The following ENPP6 variants were observed in gnomAD, a reference collection of about 807,000 sequenced individuals.
ENPP6 encodes ectonucleotide pyrophosphatase/phosphodiesterase 6, also known as glycerophosphocholine cholinephosphodiesterase ENPP6.
A neutral mutation model predicts 42.0 loss-of-function variants in ENPP6; 32 were observed. The ratio of observed to expected loss-of-function variants is 0.76; its 90% CI spans 0.58 to 1.02. The LOEUF is 1.02. ENPP6 is among the 50% of genes least tolerant of loss of function. The pLI is 0.00. For missense variants in ENPP6, 552 were observed against 566.8 expected (o/e 0.97, Z 0.27); for synonymous variants, 213 against 216.0 (o/e 0.99, Z 0.12).
chr4:184,180,619 C>G (rs1732536271), intron 1 of ENPP6, among the ~76,000 whole-genome samples: 1 of 152,202 alleles, frequency 6.6e-6, no homozygotes, highest in Non-Finnish European at 1.5e-5. Context: ...CAATAAAATA[C>G]TGGCAAACTG....
At chr4:184,199,986 A>G (rs574025453) in intron 1 of ENPP6, among the ~76,000 whole-genome samples, 2 of 152,320 alleles carry the variant, frequency 1.3e-5, no homozygotes, top group South Asian at 4.1e-4. Context: ...AAATATCAGT[A>G]AGCCCACTGT....
intron 3 of ENPP6, among the ~76,000 whole-genome samples, chr4:184,122,044 G>A (rs1461607455): frequency 6.6e-6 from 1 of 152,146 alleles, no homozygotes; most frequent in African/African-American, 2.4e-5. Context: ...GAGCTTCCTA[G>A]CTTTAGAGGT....
intron 7 of ENPP6, among the ~76,000 whole-genome samples, chr4:184,092,617 T>C (rs1484947475): frequency 6.6e-6 from 1 of 152,032 alleles, no homozygotes; most frequent in East Asian, 1.9e-4. Flanking sequence ...ATTTAAAGAG[T>C]GAATGTAAGA....
At chr4:184,212,373 T>A (rs1285078522) in intron 1 of ENPP6, among the ~76,000 whole-genome samples, 2 of 149,788 alleles carry the variant, frequency 1.3e-5, no homozygotes, top group African/African-American at 5.0e-5. Flanking sequence ...CTTAAGCTGA[T>A]AAGCAACTTC....
chr4:184,120,016 G>A (rs1176759357), intron 3 of ENPP6, among the ~76,000 whole-genome samples: 1 of 152,156 alleles, frequency 6.6e-6, no homozygotes, highest in Non-Finnish European at 1.5e-5. Context: ...ACTACTCAAA[G>A]GGTAACATGG....
At chr4:184,145,413 C>T (rs1736901134) in intron 2 of ENPP6, among the ~76,000 whole-genome samples, 1 of 152,164 alleles carries the variant, frequency 6.6e-6, no homozygotes, top group South Asian at 2.1e-4. Flanking sequence ...GTTTTCCATT[C>T]CTGAGGCAGC....
chr4:184,098,902 C>T (rs555444245), intron 6 of ENPP6, among the ~76,000 whole-genome samples: 125 of 152,198 alleles, frequency 8.2e-4, no homozygotes, highest in African/African-American at 2.9e-3. Flanking sequence ...ATTTGCTGGT[C>T]GTGATGAATG....
chr4:184,127,325 TAAA>T (rs1736520563), intron 2 of ENPP6, among the ~76,000 whole-genome samples: 1 of 151,544 alleles, frequency 6.6e-6, no homozygotes, highest in Non-Finnish European at 1.5e-5. Context: ...CTAAGATTAA[TAAA>T]GAAGATATGG....
intron 1 of ENPP6, among the ~76,000 whole-genome samples, chr4:184,173,955 T>A (rs1737519230): frequency 1.3e-5 from 2 of 152,130 alleles, no homozygotes; most frequent in African/African-American, 4.8e-5. Context: ...GGGTCACATC[T>A]GGGAACACTG....
chr4:184,122,527 C>G (rs1295955303), intron 3 of ENPP6, among the ~76,000 whole-genome samples: 4 of 151,976 alleles, frequency 2.6e-5, no homozygotes, highest in Non-Finnish European at 5.9e-5. Context: ...ACTTATTCCC[C>G]GCTGCATGCT....
At chr4:184,096,693 A>G (rs941925949) in intron 7 of ENPP6, among the ~76,000 whole-genome samples, 3 of 152,158 alleles carry the variant, frequency 2.0e-5, no homozygotes, top group African/African-American at 7.2e-5. Context: ...ATTTGCTCTC[A>G]TGCAAGGCAA....
intron 7 of ENPP6, among the ~76,000 whole-genome samples, chr4:184,092,513 G>A (rs1735826059): frequency 1.3e-5 from 2 of 152,178 alleles, no homozygotes; most frequent in South Asian, 4.1e-4. Flanking sequence ...GGGACGCCGA[G>A]GGTGACTCCA....
At chr4:184,122,359 T>G (rs576306481) in intron 3 of ENPP6, among the ~76,000 whole-genome samples, 2 of 152,022 alleles carry the variant, frequency 1.3e-5, no homozygotes, top group African/African-American at 4.8e-5. Context: ...TTTGTAGCCC[T>G]TTCTTCCTGG....
chr4:184,101,907 G>A (rs768305435), intron 6 of ENPP6, among the ~76,000 whole-genome samples: 14 of 152,186 alleles, frequency 9.2e-5, no homozygotes, highest in Admixed American at 6.5e-4. Context: ...ACCAGGACGC[G>A]CGGTGAGAAG....
chr4:184,107,292 C>T (rs538584862), intron 6 of ENPP6, among the ~76,000 whole-genome samples: 116 of 152,344 alleles, frequency 7.6e-4, no homozygotes, highest in African/African-American at 2.3e-3. Flanking sequence ...GCTGGGGTGA[C>T]GGGCTCAGGC....
rs112070697 is a variant in ENPP6, at chr4:184,184,571, C to A, written c.242-30838G>T. Reference sequence around the variant, plus strand: ...GTCTACCCAGAACCTGCGGAAGTGACCTCATTTGGAAGAAGGGTCTTAGCA... The same window carrying A: ...GTCTACCCAGAACCTGCGGAAGTGAACTCATTTGGAAGAAGGGTCTTAGCA... On this transcript the variant is annotated intron_variant, in intron 1 of 7. Coordinates refer to ENST00000296741, the MANE Select transcript of ENPP6 (RefSeq NM_153343.4). The surrounding 1 kb of genome is among the most constrained non-coding windows in gnomAD (Gnocchi z 4.7). Among the ~76,000 whole-genome samples, 1,097 of 152,212 alleles carry A rather than the reference C, an allele frequency of 7.2e-3. 15 individuals carry two copies. Among genetic ancestry groups the A allele is most frequent in the African/African-American group, 0.025 (1,051 of 41,516 alleles).
chr4:184,158,280 T>C (rs1419442806), intron 1 of ENPP6, among the ~76,000 whole-genome samples: 1 of 152,212 alleles, frequency 6.6e-6, no homozygotes, highest in Non-Finnish European at 1.5e-5. Context: ...AAGCCTCCAT[T>C]GCCTCATCTG....
At chr4:184,199,811 C>T (rs965403185) in intron 1 of ENPP6, among the ~76,000 whole-genome samples, 4 of 152,212 alleles carry the variant, frequency 2.6e-5, no homozygotes, top group Non-Finnish European at 5.9e-5. Context: ...AGGGACACAG[C>T]GTCTCGCTGG....
rs150246472 is a variant in ENPP6 at position 184,108,767 on chromosome 4, G to A, written c.993+3905C>T. Among the ~76,000 whole-genome samples, 6 of 152,212 alleles carry A rather than the reference G, an allele frequency of 3.9e-5. No individual in the cohort carries two copies. In the East Asian group the frequency reaches 9.6e-4, roughly 24 times the overall value. ...TCAGTGTCTCTCAGGACTCAGGGAC[G>A]ATTATGAGTTTCCAGAGAGACATTT... On this transcript the variant is annotated intron_variant, in intron 6 of 7. Transcript: ENST00000296741.
Sources: gnomAD v4.1 joint callset for allele counts (sites outside exome capture counted in the v4.1 genomes callset) on GRCh38, gnomAD v4.1.1 for gene constraint, Gnocchi (gnomAD v3.1) non-coding constraint, MANE v1.5 for transcripts, NCBI Gene and HGNC (gene_info 2026-07-23, HGNC 2026-07-21) for gene names.